Variants in INIP observed in about 807,000 individuals in gnomAD.
INIP encodes the protein INTS3 and NABP interacting protein, also known as SOSS complex subunit C.
In INIP, 9 loss-of-function variants were observed where a neutral mutation model predicts 14.0. That is an observed-to-expected ratio of 0.64 (90% CI 0.39 to 1.12). The LOEUF (loss-of-function observed/expected upper bound fraction) is 1.12, where lower values mean the gene tolerates loss of function less well. INIP is among the 50% of genes most tolerant of loss of function. The pLI is 0.01. For synonymous variants in INIP, 37 were observed against 41.5 expected (o/e 0.89, Z 0.41); for missense variants, 78 against 122.7 (o/e 0.64, Z 1.72).
At chr9:112,700,698 A>G (rs990120967) in intron 2 of INIP, among the ~76,000 whole-genome samples, 4 of 151,774 alleles carry the variant, frequency 2.6e-5, no homozygotes, top group Non-Finnish European at 5.9e-5. Flanking sequence ...AAAAAATTAC[A>G]TACTTGTATG....
intron 2 of INIP, among the ~76,000 whole-genome samples, chr9:112,714,578 T>C (rs187522570): frequency 1.8e-4 from 28 of 152,310 alleles, no homozygotes; most frequent in Non-Finnish European, 1.5e-5. Context: ...GCACAGATAA[T>C]GTGTGATGAC....
intron 3 of INIP, among the ~76,000 whole-genome samples, chr9:112,693,441 T>C (rs971545651): frequency 3.3e-5 from 5 of 152,180 alleles, no homozygotes; most frequent in African/African-American, 1.2e-4. Context: ...ACCTTCTCAG[T>C]TTCCCACCCC....
intron 1 of INIP, among the ~76,000 whole-genome samples, chr9:112,717,389 A>G (rs906282665): frequency 4.6e-5 from 7 of 152,216 alleles, no homozygotes; most frequent in Non-Finnish European, 1.5e-5. Context: ...TCATAGAGCT[A>G]GTAGGAATTA....
intron 2 of INIP, among the ~76,000 whole-genome samples, chr9:112,713,116 G>T (rs571063534): frequency 3.9e-5 from 6 of 152,078 alleles, no homozygotes; most frequent in Non-Finnish European, 8.8e-5. Flanking sequence ...GCTAATAAAA[G>T]AAATAACCCA....
At chr9:112,715,998 T>C (rs1350405459) in intron 2 of INIP, among the ~76,000 whole-genome samples, 1 of 152,216 alleles carries the variant, frequency 6.6e-6, no homozygotes, top group Non-Finnish European at 1.5e-5. Context: ...ATAAGCAGTC[T>C]GTCATTGACC....
chr9:112,686,061 T>C lies in INIP; in HGVS notation c.*1477A>G, dbSNP rs786966. The C allele has an allele frequency of 6.6e-6, 1 of 152,056 alleles. No individual in the cohort carries two copies. The highest frequency in any genetic ancestry group is 1.5e-5 in the Non-Finnish European group (1 of 68,012). The allele number at this position is 152,056 out of a possible 1,614,324, so 9.4% of individuals were successfully genotyped here. On this transcript the variant is annotated 3_prime_UTR_variant, in exon 5 of 5. Transcript: ENST00000374242. The stretch of plus-strand genomic sequence containing the variant: ...AAGAAAGTAGAACTTTCACTAAATA[T>C]TGACCCAAACTGGAATTTTCAGTTT...
intron 4 of INIP, among the ~76,000 whole-genome samples, chr9:112,688,846 A>G (rs1236225227): frequency 2.0e-5 from 3 of 152,162 alleles, no homozygotes. Context: ...CCTTGTCTCT[A>G]AAAAATAGAT....
intron 2 of INIP, among the ~76,000 whole-genome samples, chr9:112,715,282 G>C (rs1021770951): frequency 6.6e-5 from 10 of 152,134 alleles, no homozygotes; most frequent in Non-Finnish European, 1.2e-4. Context: ...CAGTGAGTGA[G>C]TTGTGAGTGA....
chr9:112,702,238 A>G (rs922660509), intron 2 of INIP, among the ~76,000 whole-genome samples: 1 of 152,174 alleles, frequency 6.6e-6, no homozygotes, highest in Non-Finnish European at 1.5e-5. Context: ...TCACACAAAA[A>G]TATTTTGGGG....
rs1485226286 is a variant in INIP at position 112,687,448 on chromosome 9, ATTCTT to A, written c.*85_*89del. The A allele has an allele frequency of 1.3e-6, 1 of 742,486 alleles. No homozygotes were observed. The highest frequency in any genetic ancestry group is 2.3e-6 in the Non-Finnish European group (1 of 440,828). 46.0% of individuals were successfully genotyped at this position (742,486 alleles called of 1,614,324 possible). A position where few individuals can be genotyped will look rare whatever the true frequency, so the allele number is the denominator to read the frequency against. The stretch of plus-strand genomic sequence containing the variant: ...ACAAAAAATATCAAAGTTCACCAAA[ATTCTT>A]AAAGTCACAGTTCATGTAGCACTGA... On this transcript the variant is annotated 3_prime_UTR_variant, in exon 5 of 5. Coordinates refer to ENST00000374242, the MANE Select transcript of INIP (RefSeq NM_021218.3).
chr9:112,704,388 G>A (rs1209950299), intron 2 of INIP, among the ~76,000 whole-genome samples: 1 of 152,104 alleles, frequency 6.6e-6, no homozygotes, highest in Non-Finnish European at 1.5e-5. Context: ...TACCAGAAAA[G>A]GGCAAGTTAT....
intron 2 of INIP, among the ~76,000 whole-genome samples, chr9:112,699,773 T>C (rs1838229530): frequency 6.6e-6 from 1 of 152,014 alleles, no homozygotes; most frequent in South Asian, 2.1e-4. Context: ...CCATGAGAAA[T>C]TTCAGTTGAA....
At chr9:112,695,740 AGAG>A (rs1322853275) in intron 2 of INIP, among the ~76,000 whole-genome samples, 1 of 138,496 alleles carries the variant, frequency 7.2e-6, no homozygotes, top group Non-Finnish European at 1.6e-5. Flanking sequence ...AAGAGGAAGA[AGAG>A]GAGGAAGAGG....
At chr9:112,715,923 T>C (rs979279612) in intron 2 of INIP, among the ~76,000 whole-genome samples, 2 of 152,198 alleles carry the variant, frequency 1.3e-5, no homozygotes, top group Non-Finnish European at 2.9e-5. Context: ...GTCAGGATTA[T>C]CAAGATGTCA....
intron 2 of INIP, among the ~76,000 whole-genome samples, chr9:112,702,576 A>T (rs1034822540): frequency 7.9e-5 from 12 of 151,798 alleles, no homozygotes; most frequent in East Asian, 1.9e-4. Context: ...TTATTTATTT[A>T]TTTTTTTTAG....
intron 3 of INIP, among the ~76,000 whole-genome samples, chr9:112,691,900 C>T (rs370867946): frequency 7.2e-5 from 11 of 152,092 alleles, no homozygotes; most frequent in African/African-American, 2.4e-4. Context: ...ATCCCAGCTA[C>T]TTGGGAGGCT....
chr9:112,695,255 GAAA>G lies in INIP; in HGVS notation c.26-1025_26-1023del, dbSNP rs60657759. 1.5e-3 allele frequency among the ~76,000 whole-genome samples: 97 copies of G among 64,686 alleles called. 1 individual carries two copies. The highest frequency in any genetic ancestry group is 5.5e-3 in the African/African-American group (90 of 16,356). 42.4% of individuals were successfully genotyped at this position (64,686 alleles called of 152,430 possible). A position where few individuals can be genotyped will look rare whatever the true frequency, so the allele number is the denominator to read the frequency against. On this transcript the variant is annotated intron_variant, in intron 2 of 4. Transcript: ENST00000374242. ...TAAAGGACTGGAAAACAGAACTACAGAAAAAAAAAAAAAAAAAAAGATAAGGAC... is the reference window on the plus strand; with the variant it reads ...TAAAGGACTGGAAAACAGAACTACAGAAAAAAAAAAAAAAAAGATAAGGAC...
At position 112,687,371 on chromosome 9, in the gene INIP, C is replaced by A; in HGVS notation, c.*167G>T. 1 of 525,770 alleles carries A rather than the reference C, an allele frequency of 1.9e-6. No individual in the cohort carries two copies. Among genetic ancestry groups the A allele is most frequent in the African/African-American group, 1.9e-5 (1 of 52,834 alleles). The allele number at this position is 525,770 out of a possible 1,614,324, so 32.6% of individuals were successfully genotyped here. ...ATACAGCTTCCACAGCTCTCATCAT[C>A]CTGGTTATTCTTCTTTCAGCTTTCA... On this transcript the variant is annotated 3_prime_UTR_variant, in exon 5 of 5. Coordinates refer to ENST00000374242, the MANE Select transcript of INIP (RefSeq NM_021218.3).
At chr9:112,709,377 A>C (rs1238860816) in intron 2 of INIP, among the ~76,000 whole-genome samples, 1 of 152,038 alleles carries the variant, frequency 6.6e-6, no homozygotes, top group Non-Finnish European at 1.5e-5. Context: ...GAAGGGCGGT[A>C]TGGGAAAACA....
Sources: allele counts gnomAD v4.1 joint callset (sites outside exome capture counted in the v4.1 genomes callset), GRCh38; gene constraint gnomAD v4.1.1; transcripts MANE v1.5; gene names NCBI Gene and HGNC (gene_info 2026-07-23, HGNC 2026-07-21).